Variants in CSMD2 observed in about 807,000 individuals in gnomAD.
CSMD2 encodes the protein CUB and sushi domain-containing protein 2.
CSMD2 carries 130 observed loss-of-function variants against 398.5 expected under a neutral mutation model. That is an observed-to-expected ratio of 0.33 (90% CI 0.28 to 0.38). The LOEUF (loss-of-function observed/expected upper bound fraction) is 0.38, where lower values mean the gene tolerates loss of function less well. CSMD2 is among the 10% of genes least tolerant of loss of function. The probability of loss-of-function intolerance (pLI) is 1.00; values close to 1 mark genes in which losing one functional copy is unlikely to be tolerated. For synonymous variants in CSMD2, 1,828 were observed against 1,908.5 expected (o/e 0.96, Z 1.10); for missense variants, 3,829 against 4,764.9 (o/e 0.80, Z 5.78).
intron 2 of CSMD2, among the ~76,000 whole-genome samples, chr1:34,086,143 A>C (rs1421683436): frequency 3.9e-5 from 6 of 152,140 alleles, no homozygotes; most frequent in Admixed American, 3.9e-4. Flanking sequence ...AGAATTGGAG[A>C]ATTTGCCTCT....
At position 34,063,028 on chromosome 1, in the gene CSMD2, C is replaced by T. The variant is rs111468785; in HGVS notation, c.404+25949G>A. Reference sequence around the variant, plus strand: ...TGAGGAAGATGCAAAAGCGGAAACCCCGATAAAACCATCAGATCTCATGAG... The same window carrying T: ...TGAGGAAGATGCAAAAGCGGAAACCTCGATAAAACCATCAGATCTCATGAG... On this transcript the variant is annotated intron_variant, in intron 2 of 70. Transcript: ENST00000373381. Among the ~76,000 whole-genome samples, 111 of 152,178 alleles carry T rather than the reference C, an allele frequency of 7.3e-4. 1 individual carries two copies. Among genetic ancestry groups the T allele is most frequent in the Admixed American group, 1.7e-3 (26 of 15,280 alleles).
rs192358246 is a variant in CSMD2, at chr1:33,699,422, T to C, written c.3734-478A>G. Among the ~76,000 whole-genome samples, 5 of 152,326 alleles carry C rather than the reference T, an allele frequency of 3.3e-5. No homozygotes were observed. In the East Asian group the frequency reaches 9.6e-4, roughly 29 times the overall value. On this transcript the variant is annotated intron_variant, in intron 23 of 70. Coordinates refer to ENST00000373381, the MANE Select transcript of CSMD2 (RefSeq NM_001281956.2). Reference sequence around the variant, plus strand: ...TACGGCGCTATACATGTGTTCTCTCTCATTTGTTATTCACAGGAGTCTTAC... The same window carrying C: ...TACGGCGCTATACATGTGTTCTCTCCCATTTGTTATTCACAGGAGTCTTAC...
intron 41 of CSMD2, among the ~76,000 whole-genome samples, chr1:33,608,419 G>A (rs918036794): frequency 6.6e-6 from 1 of 152,168 alleles, no homozygotes. Context: ...ATATTTATCC[G>A]AGAAGGAAGG....
intron 41 of CSMD2, chr1:33,606,075 G>C (rs1640585619): frequency 6.7e-7 from 1 of 1,500,050 alleles, no homozygotes; most frequent in Non-Finnish European, 8.9e-7. Context: ...CAAAGGGCAG[G>C]GAAGCTGTTT....
intron 29 of CSMD2, among the ~76,000 whole-genome samples, chr1:33,643,180 G>A (rs1643210415): frequency 6.6e-6 from 1 of 152,138 alleles, no homozygotes; most frequent in African/African-American, 2.4e-5. Context: ...CCCTGTGGAG[G>A]TCCTCAGTGG....
chr1:33,725,268 T>C, intron 17 of CSMD2, 81 bp downstream of exon 17: 1 of 1,195,438 alleles, frequency 8.4e-7, no homozygotes, highest in Non-Finnish European at 1.2e-6. Context: ...AGCAGGGGCC[T>C]GTGGTGGAGC....
At chr1:33,574,378 CTGTT>C (rs1553144789) in intron 49 of CSMD2, among the ~76,000 whole-genome samples, 1 of 152,172 alleles carries the variant, frequency 6.6e-6, no homozygotes, top group Non-Finnish European at 1.5e-5. Context: ...CAAGAGTAGA[CTGTT>C]TGGTCTTTGA....
chr1:33,923,366 T>C (rs1336691629), intron 4 of CSMD2, among the ~76,000 whole-genome samples: 1 of 152,162 alleles, frequency 6.6e-6, no homozygotes, highest in Non-Finnish European at 1.5e-5. Context: ...GCTCTTGCTC[T>C]GGTCATGTGA....
chr1:33,665,224 T>C (rs1357331306), intron 25 of CSMD2, among the ~76,000 whole-genome samples: 1 of 152,178 alleles, frequency 6.6e-6, no homozygotes, highest in Non-Finnish European at 1.5e-5. Flanking sequence ...TTGTTGCTAA[T>C]CTTTTCTCCT....
At position 34,013,743 on chromosome 1, in the gene CSMD2, C is replaced by A. The variant is rs191557181; in HGVS notation, c.517+18851G>T. 3.9e-5 allele frequency among the ~76,000 whole-genome samples: 6 copies of A among 152,288 alleles called. 1 individual carries two copies. Among genetic ancestry groups the A allele is most frequent in the Admixed American group, 3.3e-4 (5 of 15,308 alleles). On this transcript the variant is annotated intron_variant, in intron 3 of 70. Transcript: ENST00000373381. ...CTCTGAATACCACAGGCAAAGGCAG[C>A]CTTGGGGAGTAAAGAGAATCCCTCT...
chr1:33,673,098 C>T (rs1412446290), intron 25 of CSMD2, among the ~76,000 whole-genome samples: 1 of 152,206 alleles, frequency 6.6e-6, no homozygotes, highest in Non-Finnish European at 1.5e-5. Flanking sequence ...AGCAATGGAA[C>T]AAAGCTGGAC....
intron 46 of CSMD2, among the ~76,000 whole-genome samples, chr1:33,584,666 A>C (rs1314591162): frequency 1.0e-4 from 2 of 19,546 alleles, no homozygotes; most frequent in Admixed American, 9.5e-4. Context: ...ACTCCATCTC[A>C]AAAAAAATAT....
At chr1:33,952,376 C>T (rs989835038) in intron 3 of CSMD2, among the ~76,000 whole-genome samples, 7 of 152,214 alleles carry the variant, frequency 4.6e-5, no homozygotes, top group Non-Finnish European at 8.8e-5. Flanking sequence ...AAGTTCTTCT[C>T]TGCCCCAGGG....
chr1:33,888,006 T>TA (rs138094956), intron 5 of CSMD2, among the ~76,000 whole-genome samples: 8,251 of 152,144 alleles, frequency 0.054, 263 homozygotes, highest in Middle Eastern at 0.12. Flanking sequence ...CAAATGGCCC[T>TA]ATTCACTATA....
At chr1:34,117,058 A>G (rs1187134096) in intron 1 of CSMD2, among the ~76,000 whole-genome samples, 1 of 152,128 alleles carries the variant, frequency 6.6e-6, no homozygotes, top group Non-Finnish European at 1.5e-5. Flanking sequence ...TCTCAAATCA[A>G]TAACCTAACT....
At chr1:33,876,357 T>C (rs761164942) in intron 5 of CSMD2, among the ~76,000 whole-genome samples, 19 of 152,254 alleles carry the variant, frequency 1.2e-4, no homozygotes, top group Non-Finnish European at 2.6e-4. Context: ...ACTAGCCATG[T>C]GGCCCTGGGC....
intron 5 of CSMD2, among the ~76,000 whole-genome samples, chr1:33,874,718 CGCCCACAGCTGT>C (rs1027125825): frequency 2.2e-4 from 34 of 152,352 alleles, no homozygotes; most frequent in African/African-American, 8.2e-4. Context: ...TCCAGCTCTT[CGCCCACAGCTGT>C]GCCTCTGGCT....
At chr1:33,863,010 G>C (rs1639662676) in intron 5 of CSMD2, 1 of 152,198 alleles carries the variant, frequency 6.6e-6, no homozygotes, top group South Asian at 2.1e-4. Flanking sequence ...GCTCTGTGCA[G>C]GCAGGATGAA....
In CSMD2 at chr1:33,569,342, C is replaced by T. The variant is rs1316669781; in HGVS notation, c.8131+32G>A. ...ATCTAATCTATCTCAAGGAGAAAAA[C>T]TGGGCAGGATAGGCCTGCAGAGGTC... On this transcript the variant is annotated intron_variant, in intron 52 of 70. Transcript: ENST00000373381. 9 of 1,584,232 alleles carry T rather than the reference C, an allele frequency of 5.7e-6. No homozygotes were observed. In the East Asian group the frequency reaches 1.4e-4, roughly 24 times the overall value.
Sources: allele counts gnomAD v4.1 joint callset (sites outside exome capture counted in the v4.1 genomes callset), GRCh38; gene constraint gnomAD v4.1.1; transcripts MANE v1.5; gene names NCBI Gene and HGNC (gene_info 2026-07-23, HGNC 2026-07-21).